The following CDH7 variants were observed in gnomAD, a reference collection of about 807,000 sequenced individuals.
The protein encoded by CDH7 is cadherin-7.
CDH7 carries 25 observed loss-of-function variants against 71.8 expected under a neutral mutation model. That is an observed-to-expected ratio of 0.35 (90% CI 0.25 to 0.49). CDH7 has a LOEUF of 0.49. Ranked by LOEUF, CDH7 falls within the 20% of genes least tolerant of loss-of-function variation. The probability of loss-of-function intolerance (pLI) is 0.99; values close to 1 mark genes in which losing one functional copy is unlikely to be tolerated. For synonymous variants in CDH7, 381 were observed against 363.8 expected (o/e 1.05, Z -0.54); for missense variants, 862 against 974.6 (o/e 0.88, Z 1.54).
intron 2 of CDH7, among the ~76,000 whole-genome samples, chr18:65,764,087 G>GATACCTAA (rs1916283805): frequency 6.6e-6 from 1 of 151,980 alleles, no homozygotes; most frequent in African/African-American, 2.4e-5. Context: ...GCTACCTACT[G>GATACCTAA]AATTTATCTA....
chr18:65,844,931 GA>G (rs1187458542), intron 7 of CDH7, among the ~76,000 whole-genome samples: 3 of 150,932 alleles, frequency 2.0e-5, no homozygotes, highest in Non-Finnish European at 4.5e-5. Context: ...AAACAACAAT[GA>G]TTGTTTTATC....
At chr18:65,850,958 GA>G (rs1439934062) in intron 7 of CDH7, among the ~76,000 whole-genome samples, 1 of 151,756 alleles carries the variant, frequency 6.6e-6, no homozygotes, top group African/African-American at 2.4e-5. Flanking sequence ...ACTACAGGCA[GA>G]TACCACCACG....
intron 7 of CDH7, among the ~76,000 whole-genome samples, chr18:65,855,017 A>G (rs921286147): frequency 1.3e-5 from 2 of 151,832 alleles, no homozygotes; most frequent in African/African-American, 4.8e-5. Flanking sequence ...CCTGTATCTC[A>G]CGGTAAATGC....
chr18:65,831,625 G>C (rs1419129174), intron 6 of CDH7, among the ~76,000 whole-genome samples: 2 of 152,080 alleles, frequency 1.3e-5, no homozygotes, highest in Admixed American at 1.3e-4. Context: ...TAAACATGGA[G>C]CCTACATTAT....
chr18:65,772,433 C>T (rs1429454086), intron 2 of CDH7, among the ~76,000 whole-genome samples: 1 of 152,106 alleles, frequency 6.6e-6, no homozygotes, highest in Non-Finnish European at 1.5e-5. Context: ...TCAACTGAAT[C>T]GTAAGAGCTG....
At chr18:65,857,767 A>G in intron 7 of CDH7, 49 bp from the exon 8 acceptor site, 1 of 1,574,412 alleles carries the variant, frequency 6.4e-7, no homozygotes, top group Non-Finnish European at 8.7e-7. Flanking sequence ...AGCAAATTAT[A>G]ATCAAACGTA....
intron 2 of CDH7, among the ~76,000 whole-genome samples, chr18:65,781,898 C>CTCTTTCTCTCTCTCTCTCTCTCTCTT (rs1431797468): frequency 3.4e-5 from 2 of 58,606 alleles, no homozygotes; most frequent in African/African-American, 2.0e-4. Flanking sequence ...CTCTCTTTCT[C>CTCTTTCTCTCTCTCTCTCTCTCTCTT]TCTATCTTTC....
intron 8 of CDH7, 102 bp downstream of exon 8, chr18:65,858,054 T>G: frequency 8.9e-7 from 1 of 1,126,674 alleles, no homozygotes; most frequent in Non-Finnish European, 1.3e-6. Flanking sequence ...AGTTCCTTCT[T>G]TGAATTGTAC....
chr18:65,802,125 A>G (rs1212898653), intron 2 of CDH7, among the ~76,000 whole-genome samples: 2 of 152,192 alleles, frequency 1.3e-5, no homozygotes, highest in Non-Finnish European at 2.9e-5. Flanking sequence ...AGCATTCAAA[A>G]GAGTTTTCAT....
chr18:65,818,668 A>C (rs2143928377), intron 4 of CDH7, among the ~76,000 whole-genome samples: 1 of 152,354 alleles, frequency 6.6e-6, no homozygotes, highest in South Asian at 2.1e-4. Flanking sequence ...GATTACATAA[A>C]TACCTATTCA....
intron 2 of CDH7, among the ~76,000 whole-genome samples, chr18:65,807,446 TC>T (rs1331530738): frequency 4.6e-5 from 7 of 152,194 alleles, no homozygotes; most frequent in Admixed American, 1.3e-4. Flanking sequence ...TAAATGAAAG[TC>T]GTTAATGTGA....
At chr18:65,855,959 TA>T (rs1236115825) in intron 7 of CDH7, among the ~76,000 whole-genome samples, 1 of 151,264 alleles carries the variant, frequency 6.6e-6, no homozygotes, top group African/African-American at 2.4e-5. Context: ...TGCATCATAT[TA>T]AGAAATTAAA....
At chr18:65,880,170 C>T (rs1914179095) in intron 11 of CDH7, among the ~76,000 whole-genome samples, 1 of 152,134 alleles carries the variant, frequency 6.6e-6, no homozygotes, top group Admixed American at 6.5e-5. Flanking sequence ...GACATCAGTT[C>T]TGAACAGGTG....
intron 2 of CDH7, among the ~76,000 whole-genome samples, chr18:65,805,868 A>C (rs1911299131): frequency 6.6e-6 from 1 of 152,228 alleles, no homozygotes; most frequent in African/African-American, 2.4e-5. Context: ...GTTTTAGAGG[A>C]AATAATTTGA....
chr18:65,814,344 T>G, intron 3 of CDH7, 141 bp from the exon 4 acceptor site: 1 of 825,686 alleles, frequency 1.2e-6, no homozygotes, highest in Non-Finnish European at 2.0e-6. Flanking sequence ...AAAAATACTG[T>G]ATCCATTTTT....
chr18:65,844,061 G>A lies in CDH7; in HGVS notation c.1231G>A (p.Val411Met). Reference sequence around the variant, plus strand: ...TGACCCAGATTCTTCCAATAGCCCTGTGAGGTAAAAACTCATTGTTGTCCT... The same window carrying A: ...TGACCCAGATTCTTCCAATAGCCCTATGAGGTAAAAACTCATTGTTGTCCT... ...AHDPDSSNSP[V>M]RYSIDRNTDL... Residue 411 changes from valine (V) to methionine (M), a missense_variant, in exon 7 of 12, where the codon GTG (valine) becomes ATG (methionine). By Grantham distance (21) the Val-to-Met change is conservative (BLOSUM62 1). Coordinates refer to ENST00000397968, the MANE Select transcript of CDH7 (RefSeq NM_004361.5). The A allele has an allele frequency of 6.2e-7, 1 of 1,611,926 alleles. No individual in the cohort carries two copies. The highest frequency in any genetic ancestry group is 8.5e-7 in the Non-Finnish European group (1 of 1,178,948).
chr18:65,814,280 A>G (rs897507383), intron 3 of CDH7, among the ~76,000 whole-genome samples: 1 of 152,008 alleles, frequency 6.6e-6, no homozygotes, highest in African/African-American at 2.4e-5. Flanking sequence ...TATCCCTTAA[A>G]CATTTCAAGA....
At position 65,885,994 on chromosome 18, in the gene CDH7, G is replaced by A. The variant is rs1180712359; in HGVS notation, c.*5100G>A. 2 of 152,150 alleles carry A rather than the reference G, an allele frequency of 1.3e-5. No homozygotes were observed. The highest frequency in any genetic ancestry group is 2.4e-5 in the African/African-American group (1 of 41,434). The allele number at this position is 152,150 out of a possible 1,614,324, so 9.4% of individuals were successfully genotyped here. A position where few individuals can be genotyped will look rare whatever the true frequency, so the allele number is the denominator to read the frequency against. On this transcript the variant is annotated 3_prime_UTR_variant, in exon 12 of 12. Transcript: ENST00000397968. ...GAGTGTGAATTATTTGTTATTAAATGTTACTGGGCTTTGGTGTCAGTGTGG... is the reference window on the plus strand; with the variant it reads ...GAGTGTGAATTATTTGTTATTAAATATTACTGGGCTTTGGTGTCAGTGTGG...
rs1555689499 is a variant in CDH7, at chr18:65,853,926, T to TATATATATATATCC, written c.1236-3878_1236-3877insCCATATATATATAT. ...ATTACCATATATATATATATATATA[T>TATATATATATATCC]ATATATATATATATATATATATATA... On this transcript the variant is annotated intron_variant, in intron 7 of 11. Coordinates refer to ENST00000397968, the MANE Select transcript of CDH7 (RefSeq NM_004361.5). Among the ~76,000 whole-genome samples the TATATATATATATCC allele has an allele frequency of 3.7e-4, 35 of 95,044 alleles. 1 individual carries two copies. The highest frequency in any genetic ancestry group is 1.3e-3 in the African/African-American group (33 of 24,798). 62.4% of individuals were successfully genotyped at this position (95,044 alleles called of 152,430 possible).
Sources: allele counts gnomAD v4.1 joint callset (sites outside exome capture counted in the v4.1 genomes callset), GRCh38; gene constraint gnomAD v4.1.1; transcripts MANE v1.5; gene names NCBI Gene and HGNC (gene_info 2026-07-23, HGNC 2026-07-21).